Variants in TENM3 observed in about 807,000 individuals in gnomAD.
The protein encoded by TENM3 is teneurin transmembrane protein 3.
In TENM3, 63 loss-of-function variants were observed where a neutral mutation model predicts 255.1. The ratio of observed to expected loss-of-function variants is 0.25; its 90% confidence interval spans 0.20 to 0.30. The LOEUF is 0.30. Among genes scored for constraint, TENM3 ranks in the 10% least tolerant of loss-of-function variants. The pLI, the probability that TENM3 is intolerant of heterozygous loss-of-function variation, is 1.00. For missense variants in TENM3, 2,929 were observed against 3,461.1 expected, an observed-to-expected ratio of 0.85 and a Z score of 3.86; for synonymous variants, 1,306 against 1,322.3, an observed-to-expected ratio of 0.99 and a Z score of 0.27.
the TENM3 span, among the ~76,000 whole-genome samples, chr4:182,113,422 T>A: frequency 6.6e-6 from 1 of 152,120 alleles, no homozygotes; most frequent in South Asian, 2.1e-4. Context: ...ATGAAAATTG[T>A]GTTTGGGGAG....
chr4:181,662,952 AC>A, the TENM3 span, among the ~76,000 whole-genome samples: 35 of 152,106 alleles, frequency 2.3e-4, no homozygotes, highest in Non-Finnish European at 4.1e-4. Flanking sequence ...TAAGGATAAA[AC>A]TGCCATAGTT....
At chr4:182,139,448 T>A (rs952578338), upstream of TENM3, among the ~76,000 whole-genome samples, 1 of 152,226 alleles carries the variant, frequency 6.6e-6, no homozygotes, top group Non-Finnish European at 1.5e-5. Flanking sequence ...CCCTGAAATA[T>A]CTAACGGGTG....
chr4:182,790,691 G>A lies in TENM3; in HGVS notation c.5601+1302G>A, dbSNP rs145566280. ...ACCTGTTAGATGACAAGCCCCTAACGCAATGTTTCTAAGTGGGAGAGGATC... is the reference window on the plus strand; with the variant it reads ...ACCTGTTAGATGACAAGCCCCTAACACAATGTTTCTAAGTGGGAGAGGATC... On this transcript the variant is annotated intron_variant, in intron 25 of 27. Coordinates refer to ENST00000511685, the MANE Select transcript of TENM3 (RefSeq NM_001080477.4). Among the ~76,000 whole-genome samples, 110 of 152,256 alleles carry A rather than the reference G, an allele frequency of 7.2e-4. 2 individuals carry two copies. The East Asian group carries it at 0.02, about 27-fold the overall frequency.
the TENM3 span, among the ~76,000 whole-genome samples, chr4:182,020,553 G>A: frequency 6.6e-6 from 1 of 152,020 alleles, no homozygotes; most frequent in African/African-American, 2.4e-5. Flanking sequence ...GATATTGAAT[G>A]TTCCCAACAC....
At position 182,799,770 on chromosome 4, in the gene TENM3, G is replaced by A. The variant is rs1388875394; in HGVS notation, c.7519G>A (p.Gly2507Ser). The change falls in exon 28 of 28, where the codon GGC becomes AGC. Residue 2507 changes from glycine (G) to serine (S), a missense_variant. Coordinates refer to ENST00000511685, the MANE Select transcript of TENM3 (RefSeq NM_001080477.4). The surrounding 1 kb of genome is among the most constrained non-coding windows in gnomAD (Gnocchi z 4.2). ...GGGCGTCATGCTGGCCGTCAGCCAGGGCCGCGTGCAGACCAACGTGCTCAA... is the reference window on the plus strand; with the variant it reads ...GGGCGTCATGCTGGCCGTCAGCCAGAGCCGCGTGCAGACCAACGTGCTCAA... ...GKGVMLAVSQ[G>S]RVQTNVLNIA... 1 of 1,584,236 alleles carries A rather than the reference G, an allele frequency of 6.3e-7. No individual in the cohort carries two copies. The highest frequency in any genetic ancestry group is 8.6e-7 in the Non-Finnish European group (1 of 1,166,382).
chr4:181,814,423 C>T, the TENM3 span, among the ~76,000 whole-genome samples: 2 of 152,138 alleles, frequency 1.3e-5, no homozygotes, highest in Non-Finnish European at 2.9e-5. Context: ...ACTTTGTGAG[C>T]ATTTTCAATA....
the TENM3 span, among the ~76,000 whole-genome samples, chr4:181,652,211 G>A: frequency 6.6e-6 from 1 of 150,508 alleles, no homozygotes; most frequent in South Asian, 2.1e-4. Context: ...GTTGAAGGCA[G>A]CCCATAATTC....
the TENM3 span, among the ~76,000 whole-genome samples, chr4:181,499,533 G>A: frequency 2.0e-5 from 3 of 152,162 alleles, no homozygotes; most frequent in Admixed American, 2.0e-4. Flanking sequence ...GCACAGAGGA[G>A]GGAGATGATG....
chr4:181,793,679 C>T, the TENM3 span, among the ~76,000 whole-genome samples: 2,589 of 152,244 alleles, frequency 0.017, 27 homozygotes, highest in South Asian at 0.046. Flanking sequence ...CAGCTATGAT[C>T]AAGAGTTTGA....
At chr4:182,167,230 T>C (rs13128437) in intron 1 of TENM3, among the ~76,000 whole-genome samples, 40,917 of 152,138 alleles carry the variant, frequency 0.27, 6,933 homozygotes, top group Non-Finnish European at 0.39. Flanking sequence ...CTTGAGAGGA[T>C]AGGGAAAGAC....
the TENM3 span, among the ~76,000 whole-genome samples, chr4:181,792,791 G>A: frequency 6.6e-6 from 1 of 152,090 alleles, no homozygotes; most frequent in Non-Finnish European, 1.5e-5. Context: ...TGGAGAGCTT[G>A]CAATTAACCC....
intron 5 of TENM3, among the ~76,000 whole-genome samples, chr4:182,629,220 C>G (rs1166989859): frequency 6.6e-6 from 1 of 151,946 alleles, no homozygotes; most frequent in South Asian, 2.1e-4. Context: ...AGTAATGAAC[C>G]CTGTGCAGGA....
chr4:182,207,819 C>A (rs187674880), intron 1 of TENM3, among the ~76,000 whole-genome samples: 256 of 152,286 alleles, frequency 1.7e-3, no homozygotes, highest in African/African-American at 5.8e-3. Flanking sequence ...AGACTTTCAT[C>A]TTTTGTAATG....
chr4:181,565,290 C>T, the TENM3 span, among the ~76,000 whole-genome samples: 4 of 152,180 alleles, frequency 2.6e-5, no homozygotes, highest in Non-Finnish European at 5.9e-5. Context: ...TAGACCAGAA[C>T]ACTGCATAAT....
At chr4:182,243,234 C>A (rs1757397030), upstream of TENM3, among the ~76,000 whole-genome samples, 1 of 152,204 alleles carries the variant, frequency 6.6e-6, no homozygotes, top group African/African-American at 2.4e-5. Flanking sequence ...CCTGCCTCAG[C>A]CTCCTGAGTA....
At chr4:182,423,661 A>G (rs530469982) in intron 3 of TENM3, among the ~76,000 whole-genome samples, 1 of 152,282 alleles carries the variant, frequency 6.6e-6, no homozygotes, top group African/African-American at 2.4e-5. Context: ...AAGCTCCAAG[A>G]TGGCCAATTT....
chr4:181,668,403 A>G, the TENM3 span, among the ~76,000 whole-genome samples: 1 of 152,198 alleles, frequency 6.6e-6, no homozygotes, highest in Non-Finnish European at 1.5e-5. Context: ...TTTAAAGAAC[A>G]TAAATGTATT....
intron 3 of TENM3, among the ~76,000 whole-genome samples, chr4:182,389,846 C>A (rs955385121): frequency 6.6e-6 from 1 of 152,008 alleles, no homozygotes; most frequent in Non-Finnish European, 1.5e-5. Context: ...CCACCACTCC[C>A]GGCTAATTTT....
intron 3 of TENM3, among the ~76,000 whole-genome samples, chr4:182,435,875 C>A (rs1346025667): frequency 1.3e-5 from 2 of 151,562 alleles, no homozygotes; most frequent in Admixed American, 6.6e-5. Context: ...TTTATTTCTC[C>A]ATAATTGGAA....
Sources: gnomAD v4.1 joint callset for allele counts (sites outside exome capture counted in the v4.1 genomes callset) on GRCh38, gnomAD v4.1.1 for gene constraint, Gnocchi (gnomAD v3.1) non-coding constraint, MANE v1.5 for transcripts, NCBI Gene and HGNC (gene_info 2026-07-23, HGNC 2026-07-21) for gene names.